The following SDK1 variants were observed in gnomAD, a reference collection of about 807,000 sequenced individuals.
SDK1 encodes the protein sidekick cell adhesion molecule 1.
Under a neutral mutation model 245.5 loss-of-function variants are expected in SDK1, and 157 were observed. The observed-to-expected ratio is 0.64, with a 90% CI of 0.56 to 0.73. The LOEUF (loss-of-function observed/expected upper bound fraction) is 0.73, where lower values mean the gene tolerates loss of function less well. Ranked by LOEUF, SDK1 falls within the 30% of genes least tolerant of loss-of-function variation. The pLI is 0.00. For missense variants in SDK1, 3,583 were observed against 3,002.3 expected, an observed-to-expected ratio of 1.19 and a Z score of -4.52; for synonymous variants, 1,647 against 1,278.5, an observed-to-expected ratio of 1.29 and a Z score of -6.15.
intron 22 of SDK1, among the ~76,000 whole-genome samples, chr7:4,083,983 T>C (rs908853653): frequency 6.6e-6 from 1 of 152,098 alleles, no homozygotes; most frequent in Non-Finnish European, 1.5e-5. Flanking sequence ...AATTTCTCCA[T>C]CAGCTTTTTA....
At position 4,205,931 on chromosome 7, in the gene SDK1, G is replaced by A. The variant is rs767334050; in HGVS notation, c.5151G>A (p.Gln1717=). Residue 1717 remains glutamine (Q), a synonymous_variant, in exon 36 of 45, where the codon CAG becomes CAA. Transcript: ENST00000404826. ...NVQVTPLTAS[Q]LEVTWDPPPP... is the part of the protein sequence containing the mutation. ...AGGTGACCCCACTCACGGCCAGCCA[G>A]CTGGAGGTCACGTGGGACCCACCAC... 3.5e-5 allele frequency: 54 copies of A among 1,563,374 alleles called. No individual in the cohort carries two copies. In the Middle Eastern group the frequency reaches 1.2e-3, roughly 34 times the overall value.
chr7:3,884,083 GTTTTTTT>G (rs529710738), intron 5 of SDK1, among the ~76,000 whole-genome samples: 1 of 136,192 alleles, frequency 7.3e-6, no homozygotes, highest in Non-Finnish European at 1.6e-5. Flanking sequence ...TTGTTTTTTT[GTTTTTTT>G]TTTTTTTTGA....
At chr7:4,235,674 G>A (rs1022848635) in intron 41 of SDK1, among the ~76,000 whole-genome samples, 3 of 152,184 alleles carry the variant, frequency 2.0e-5, no homozygotes, top group Non-Finnish European at 2.9e-5. Context: ...ACAGAAAGCC[G>A]GTTCCTCATG....
chr7:4,238,553 A>T lies in SDK1; in HGVS notation c.6130+769A>T, dbSNP rs999704842. ...ACTCCAGCCTGGACAACAAAGCGAG[A>T]TCCTGTCTCTTTTTTTTTTTTAATT... On this transcript the variant is annotated intron_variant, in intron 42 of 44. Transcript: ENST00000404826. Among the ~76,000 whole-genome samples, 4 of 143,600 alleles carry T rather than the reference A, an allele frequency of 2.8e-5. No homozygotes were observed. In the East Asian group the frequency reaches 5.9e-4, roughly 21 times the overall value. The allele number at this position is 143,600 out of a possible 152,430, so 94.2% of individuals were successfully genotyped here.
intron 44 of SDK1, among the ~76,000 whole-genome samples, chr7:4,249,485 G>A (rs950224958): frequency 1.3e-5 from 2 of 152,180 alleles, no homozygotes; most frequent in African/African-American, 4.8e-5. Context: ...GCTGCTTCTG[G>A]AGGCTGATGA....
At chr7:3,851,077 A>G (rs985532840) in intron 5 of SDK1, among the ~76,000 whole-genome samples, 5 of 152,170 alleles carry the variant, frequency 3.3e-5, no homozygotes, top group Non-Finnish European at 7.3e-5. Context: ...CTGATGGTGC[A>G]ACTAAATAAA....
At chr7:3,987,937 C>T (rs1783998103) in intron 14 of SDK1, among the ~76,000 whole-genome samples, 1 of 152,062 alleles carries the variant, frequency 6.6e-6, no homozygotes, top group African/African-American at 2.4e-5. Flanking sequence ...CTCCGCTCTC[C>T]CTGGAATCTC....
At chr7:3,645,542 T>C (rs1034544598) in intron 4 of SDK1, among the ~76,000 whole-genome samples, 2 of 152,228 alleles carry the variant, frequency 1.3e-5, no homozygotes, top group Admixed American at 6.5e-5. Context: ...TTACAAATTA[T>C]ATGAATATTA....
At chr7:3,934,144 A>C (rs796215484) in intron 5 of SDK1, among the ~76,000 whole-genome samples, 10 of 152,362 alleles carry the variant, frequency 6.6e-5, no homozygotes, top group African/African-American at 2.4e-4. Context: ...ATCTGTAGCA[A>C]GAGAAAATAA....
chr7:3,521,488 G>C (rs372831250), intron 1 of SDK1, among the ~76,000 whole-genome samples: 2 of 152,128 alleles, frequency 1.3e-5, no homozygotes, highest in African/African-American at 4.8e-5. Flanking sequence ...GACCATAAGC[G>C]TCATAGTCCT....
chr7:4,240,445 T>G (rs1393151175), intron 42 of SDK1, among the ~76,000 whole-genome samples: 1 of 152,196 alleles, frequency 6.6e-6, no homozygotes, highest in African/African-American at 2.4e-5. Flanking sequence ...CTTTCTGATC[T>G]TGGTTTCCAC....
intron 4 of SDK1, among the ~76,000 whole-genome samples, chr7:3,667,771 C>A (rs1783578998): frequency 6.6e-6 from 1 of 152,214 alleles, no homozygotes; most frequent in Non-Finnish European, 1.5e-5. Context: ...TTGCACATAT[C>A]AGTACTTTGT....
At chr7:4,042,051 A>G (rs1788679241) in intron 17 of SDK1, among the ~76,000 whole-genome samples, 1 of 136,048 alleles carries the variant, frequency 7.4e-6, no homozygotes. Flanking sequence ...TGACCTCGTG[A>G]TCCACCCACC....
At chr7:4,027,053 C>T (rs1296593703) in intron 17 of SDK1, among the ~76,000 whole-genome samples, 1 of 152,142 alleles carries the variant, frequency 6.6e-6, no homozygotes, top group East Asian at 1.9e-4. Context: ...TTGTGCAGGA[C>T]GTGAAGATTT....
Position 3,504,139 on chromosome 7 carries a change from G to C in SDK1, c.299-114941G>C, listed in dbSNP as rs563128008. 3.4e-5 allele frequency among the ~76,000 whole-genome samples: 5 copies of C among 148,420 alleles called. 1 individual carries two copies. Among genetic ancestry groups the C allele is most frequent in the African/African-American group, 1.2e-4 (5 of 40,608 alleles). Reference sequence around the variant, plus strand: ...CACTCCAGCCTGGGCAACAGAGCGAGACTCCTTCTCAAAAAAAAACCAAAA... The same window carrying C: ...CACTCCAGCCTGGGCAACAGAGCGACACTCCTTCTCAAAAAAAAACCAAAA... On this transcript the variant is annotated intron_variant, in intron 1 of 44. Transcript: ENST00000404826.
rs143448546 is a variant in SDK1, at chr7:3,785,309, T to G, written c.714-36141T>G. ...GTGAATATAGTTAATAATAGAGAAT[T>G]GTACACTTCAAAGTGTCTGAGAGTA... On this transcript the variant is annotated intron_variant, in intron 4 of 44. Transcript: ENST00000404826. Among the ~76,000 whole-genome samples, 3 of 152,274 alleles carry G rather than the reference T, an allele frequency of 2.0e-5. No homozygotes were observed. The East Asian group carries it at 5.8e-4, about 29-fold the overall frequency.
rs570498871 is a variant in SDK1 at position 3,791,984 on chromosome 7, C to T, written c.714-29466C>T. ...CCAAAAAATGCAAAAAAAAATTAGC[C>T]AGATGTAGTGGTTCATGCCTGTAGT... On this transcript the variant is annotated intron_variant, in intron 4 of 44. Coordinates refer to ENST00000404826, the MANE Select transcript of SDK1 (RefSeq NM_152744.4). Among the ~76,000 whole-genome samples the T allele has an allele frequency of 4.0e-5, 6 of 151,888 alleles. No homozygotes were observed. In the South Asian group the frequency reaches 1.3e-3, roughly 32 times the overall value.
intron 1 of SDK1, among the ~76,000 whole-genome samples, chr7:3,337,455 T>C (rs529511932): frequency 5.0e-4 from 74 of 147,324 alleles, no homozygotes; most frequent in African/African-American, 1.9e-3. Flanking sequence ...AAGAATAGAG[T>C]GGGACCAAAA....
In SDK1 at chr7:4,128,316, G is replaced by A. The variant is rs570363814; in HGVS notation, c.3939+820G>A. On this transcript the variant is annotated intron_variant, in intron 26 of 44. Coordinates refer to ENST00000404826, the MANE Select transcript of SDK1 (RefSeq NM_152744.4). ...CCCATGTCTTCTCCCTTCCCCGGGT[G>A]TTCTAAGTGCGCCCTGCTGGCTCTG... Among the ~76,000 whole-genome samples, 12 of 152,326 alleles carry A rather than the reference G, an allele frequency of 7.9e-5. 1 individual carries two copies. The East Asian group carries it at 1.2e-3, about 15-fold the overall frequency.
Sources: gnomAD v4.1 joint callset for allele counts (sites outside exome capture counted in the v4.1 genomes callset) on GRCh38, gnomAD v4.1.1 for gene constraint, MANE v1.5 for transcripts, NCBI Gene and HGNC (gene_info 2026-07-23, HGNC 2026-07-21) for gene names.